The following DEK variants were observed in gnomAD, a reference collection of about 807,000 sequenced individuals.
DEK encodes the protein DEK proto-oncogene.
In DEK, 28 loss-of-function variants were observed where a neutral mutation model predicts 46.8. The ratio of observed to expected loss-of-function variants is 0.60; its 90% CI spans 0.44 to 0.82. The LOEUF is 0.82. Ranked by LOEUF, DEK falls within the 40% of genes least tolerant of loss-of-function variation. The pLI is 0.00. For synonymous variants in DEK, 160 were observed against 144.5 expected (o/e 1.11, Z -0.77); for missense variants, 416 against 430.6 (o/e 0.97, Z 0.30).
At chr6:18,250,779 G>A (rs1463753949) in intron 6 of DEK, among the ~76,000 whole-genome samples, 1 of 151,478 alleles carries the variant, frequency 6.6e-6, no homozygotes, top group Non-Finnish European at 1.5e-5. Context: ...ACAGGCATGA[G>A]CCACCACGCC....
intron 9 of DEK, among the ~76,000 whole-genome samples, chr6:18,227,319 C>T (rs1790183919): frequency 6.6e-6 from 1 of 152,158 alleles, no homozygotes. Flanking sequence ...GGAAAAACGC[C>T]TTAGGGCTGG....
chr6:18,239,361 T>TAA (rs377497301), intron 7 of DEK, among the ~76,000 whole-genome samples: 8 of 120,484 alleles, frequency 6.6e-5, no homozygotes, highest in Non-Finnish European at 1.0e-4. Flanking sequence ...TTTTTTTTTT[T>TAA]AAAAAAAAGA....
rs1790487821 is a variant in DEK at position 18,233,206 on chromosome 6, T to C, written c.1047+3246A>G. Among the ~76,000 whole-genome samples the C allele has an allele frequency of 2.6e-5, 4 of 152,278 alleles. No homozygotes were observed. The South Asian group carries it at 8.3e-4, about 32-fold the overall frequency. ...ACCTTATACAAAAATTAATTCAAGA[T>C]GGATTAAAGACTTAAACATTAGACC... On this transcript the variant is annotated intron_variant, in intron 9 of 10. Coordinates refer to ENST00000652689, the MANE Select transcript of DEK (RefSeq NM_003472.4).
chr6:18,243,324 A>T (rs1332789128), intron 7 of DEK, among the ~76,000 whole-genome samples: 1 of 149,770 alleles, frequency 6.7e-6, no homozygotes, highest in East Asian at 2.0e-4. Flanking sequence ...GACGTGTCTC[A>T]TTTTTTTTTT....
In DEK at chr6:18,251,262, A is replaced by G. The variant is rs143138490; in HGVS notation, c.574-1423T>C. On this transcript the variant is annotated intron_variant, in intron 6 of 10. Coordinates refer to ENST00000652689, the MANE Select transcript of DEK (RefSeq NM_003472.4). Reference sequence around the variant, plus strand: ...AGCAGAAACATTAAGGTAAAATTCCATAACATAACCTTAAGGTATCCAATT... The same window carrying G: ...AGCAGAAACATTAAGGTAAAATTCCGTAACATAACCTTAAGGTATCCAATT... Among the ~76,000 whole-genome samples the G allele has an allele frequency of 2.7e-3, 408 of 152,334 alleles. 3 individuals are homozygous for G. The highest frequency in any genetic ancestry group is 8.5e-3 in the African/African-American group (354 of 41,576).
intron 9 of DEK, among the ~76,000 whole-genome samples, chr6:18,233,345 A>G (rs1000292117): frequency 2.0e-5 from 3 of 152,208 alleles, no homozygotes; most frequent in African/African-American, 7.2e-5. Flanking sequence ...GCCAAAATTG[A>G]CAAATGGGAT....
intron 9 of DEK, among the ~76,000 whole-genome samples, chr6:18,230,602 A>G (rs1790370879): frequency 6.6e-6 from 1 of 152,226 alleles, no homozygotes; most frequent in Admixed American, 6.5e-5. Context: ...AACAGACTTT[A>G]AACCAACAAA....
chr6:18,244,737 G>A (rs1054365961), intron 7 of DEK: 21 of 358,140 alleles, frequency 5.9e-5, no homozygotes, highest in African/African-American at 4.5e-4. Flanking sequence ...GATTATGAAA[G>A]CAAGTTTAAA....
intron 2 of DEK, among the ~76,000 whole-genome samples, chr6:18,263,192 A>G (rs11961525): frequency 6.6e-6 from 1 of 152,140 alleles, no homozygotes; most frequent in African/African-American, 2.4e-5. Context: ...ATCAGGGCTC[A>G]TATCGCCCTC....
chr6:18,226,104 A>G, intron 10 of DEK, 70 bp downstream of exon 10: 1 of 1,140,802 alleles, frequency 8.8e-7, no homozygotes, highest in Non-Finnish European at 1.2e-6. Flanking sequence ...TTTGAAAAAT[A>G]TGGAGTATTT....
chr6:18,226,117 TG>T, intron 10 of DEK, 56 bp downstream of exon 10: 1 of 1,182,168 alleles, frequency 8.5e-7, no homozygotes, highest in South Asian at 1.8e-5. Flanking sequence ...GAGTATTTTA[TG>T]TAATTACTTT....
chr6:18,257,806 C>T (rs1263066709), intron 4 of DEK, 147 bp downstream of exon 4: 1 of 453,392 alleles, frequency 2.2e-6, no homozygotes, highest in Non-Finnish European at 3.8e-6. Context: ...AGCTGTGTTT[C>T]CTGTGATAAA....
chr6:18,226,270 G>A, intron 9 of DEK, 28 bp from the exon 10 acceptor site: 3 of 1,317,442 alleles, frequency 2.3e-6, no homozygotes, highest in Non-Finnish European at 3.0e-6. Context: ...GAAAAATAAT[G>A]TTAAAAGCAG....
intron 7 of DEK, chr6:18,244,560 C>T: frequency 7.8e-7 from 1 of 1,289,130 alleles, no homozygotes; most frequent in South Asian, 1.2e-5. Flanking sequence ...AAAAAGACGC[C>T]TGTCACAGAG....
At chr6:18,247,295 T>C (rs2151087657) in intron 7 of DEK, among the ~76,000 whole-genome samples, 1 of 152,286 alleles carries the variant, frequency 6.6e-6, no homozygotes, top group Non-Finnish European at 1.5e-5. Context: ...GGGAAACAAT[T>C]TCTCAGTCCA....
chr6:18,261,341 G>A (rs915521421), intron 2 of DEK, among the ~76,000 whole-genome samples: 2 of 152,236 alleles, frequency 1.3e-5, no homozygotes, highest in African/African-American at 4.8e-5. Flanking sequence ...GGGAGGCTGA[G>A]ACGGGCGGAT....
intron 2 of DEK, among the ~76,000 whole-genome samples, chr6:18,261,810 C>T (rs1435301872): frequency 2.0e-5 from 3 of 152,164 alleles, no homozygotes; most frequent in Admixed American, 6.5e-5. Context: ...TTTGGGACTT[C>T]TGTGTTAATG....
chr6:18,239,270 TTTAGA>T (rs1219950732), intron 7 of DEK, among the ~76,000 whole-genome samples: 6 of 151,876 alleles, frequency 4.0e-5, no homozygotes, highest in African/African-American at 9.7e-5. Context: ...GAACCTATCC[TTTAGA>T]TTAAAGTATA....
chr6:18,253,689 T>C (rs1384255993), intron 6 of DEK, among the ~76,000 whole-genome samples: 1 of 152,142 alleles, frequency 6.6e-6, no homozygotes, highest in African/African-American at 2.4e-5. Context: ...ACTTTAAAAA[T>C]ATTCTTTTTA....
Sources: gnomAD v4.1 joint callset for allele counts (sites outside exome capture counted in the v4.1 genomes callset) on GRCh38, gnomAD v4.1.1 for gene constraint, MANE v1.5 for transcripts, NCBI Gene and HGNC (gene_info 2026-07-23, HGNC 2026-07-21) for gene names.